Variants in ATP6V0E1 observed in about 807,000 individuals in gnomAD.
ATP6V0E1 encodes V-type proton ATPase subunit e 1.
Under a neutral mutation model 11.6 loss-of-function variants are expected in ATP6V0E1, and 4 were observed. The ratio of observed to expected loss-of-function variants is 0.35; its 90% confidence interval spans 0.17 to 0.79. The LOEUF is 0.79. Among genes scored for constraint, ATP6V0E1 ranks in the 30% least tolerant of loss-of-function variants. The pLI is 0.54. For synonymous variants in ATP6V0E1, 36 were observed against 34.8 expected, an observed-to-expected ratio of 1.04 and a Z score of -0.13; for missense variants, 105 against 100.0, an observed-to-expected ratio of 1.05 and a Z score of -0.21.
chr5:173,033,608 G>C (rs889032035), intron 3 of ATP6V0E1, among the ~76,000 whole-genome samples: 2 of 152,062 alleles, frequency 1.3e-5, no homozygotes, highest in Non-Finnish European at 2.9e-5. Context: ...TTTGGGAGGC[G>C]AGGATGGGCA....
intron 2 of ATP6V0E1, among the ~76,000 whole-genome samples, chr5:173,006,866 G>GGGGAA (rs1166989061): frequency 1.3e-5 from 2 of 152,122 alleles, no homozygotes; most frequent in Non-Finnish European, 2.9e-5. Flanking sequence ...TTTGTTTGTA[G>GGGGAA]GGGAAGGGAA....
chr5:173,033,514 C>T (rs1478609389), intron 3 of ATP6V0E1, among the ~76,000 whole-genome samples: 1 of 152,138 alleles, frequency 6.6e-6, no homozygotes, highest in Non-Finnish European at 1.5e-5. Flanking sequence ...GTAATTACCA[C>T]TCCTTGGCCT....
chr5:173,029,227 G>C (rs892666208), intron 3 of ATP6V0E1, among the ~76,000 whole-genome samples: 21 of 152,218 alleles, frequency 1.4e-4, no homozygotes, highest in Middle Eastern at 3.4e-3. Flanking sequence ...AGCCATACTT[G>C]GGAGAAGTTC....
At chr5:173,024,312 G>A (rs1561776483) in intron 3 of ATP6V0E1, among the ~76,000 whole-genome samples, 1 of 151,584 alleles carries the variant, frequency 6.6e-6, no homozygotes, top group Non-Finnish European at 1.5e-5. Flanking sequence ...CAAGTTCCAG[G>A]GTATTCAATG....
At chr5:173,009,198 C>T (rs1177266780) in intron 2 of ATP6V0E1, among the ~76,000 whole-genome samples, 1 of 151,978 alleles carries the variant, frequency 6.6e-6, no homozygotes, top group African/African-American at 2.4e-5. Context: ...TGCGCTCCAG[C>T]CTGGGCAACA....
At chr5:173,003,709 C>T (rs1756190659) in intron 2 of ATP6V0E1, among the ~76,000 whole-genome samples, 1 of 152,178 alleles carries the variant, frequency 6.6e-6, no homozygotes. Flanking sequence ...AGAGATGGCT[C>T]CCAGTTCTAG....
chr5:173,034,403 C>A lies in ATP6V0E1; in HGVS notation c.*41C>A, dbSNP rs754089263. ...CAGAATGGTTTTGTTTTGCAGGTCA[C>A]GAGAAGAGAATGCCTTCTAGATGCA... On this transcript the variant is annotated 3_prime_UTR_variant, in exon 4 of 4. Coordinates refer to ENST00000519374, the MANE Select transcript of ATP6V0E1 (RefSeq NM_003945.4). The A allele has an allele frequency of 1.4e-6, 1 of 702,942 alleles. No homozygotes were observed. The highest frequency in any genetic ancestry group is 2.6e-6 in the Non-Finnish European group (1 of 384,974). 43.5% of individuals were successfully genotyped at this position (702,942 alleles called of 1,614,324 possible).
intron 3 of ATP6V0E1, among the ~76,000 whole-genome samples, chr5:173,032,261 ATT>A (rs1181297680): frequency 2.6e-5 from 3 of 114,660 alleles, no homozygotes; most frequent in African/African-American, 1.1e-4. Context: ...TTATTTATTT[ATT>A]TATTTATTTA....
chr5:173,020,922 A>G, intron 3 of ATP6V0E1: 1 of 519,854 alleles, frequency 1.9e-6, no homozygotes, highest in Admixed American at 1.9e-5. Flanking sequence ...GTCTGGGAGC[A>G]GACAGAGAAA....
At chr5:173,001,363 C>T (rs777872146) in intron 2 of ATP6V0E1, among the ~76,000 whole-genome samples, 4 of 152,190 alleles carry the variant, frequency 2.6e-5, no homozygotes, top group African/African-American at 9.7e-5. Flanking sequence ...CAAATACCTA[C>T]TCAGTTATGA....
intron 2 of ATP6V0E1, among the ~76,000 whole-genome samples, chr5:173,015,207 A>G (rs2113602596): frequency 6.6e-6 from 1 of 152,320 alleles, no homozygotes; most frequent in East Asian, 1.9e-4. Flanking sequence ...CCTAATTAGC[A>G]TTGTGACCAT....
At chr5:173,031,953 T>TG (rs1463694330) in intron 3 of ATP6V0E1, among the ~76,000 whole-genome samples, 1 of 151,748 alleles carries the variant, frequency 6.6e-6, no homozygotes, top group Admixed American at 6.6e-5. Flanking sequence ...GAGACCAGCC[T>TG]GGGTAACATG....
At chr5:173,012,360 G>A (rs1209198322) in intron 2 of ATP6V0E1, among the ~76,000 whole-genome samples, 1 of 151,030 alleles carries the variant, frequency 6.6e-6, no homozygotes, top group African/African-American at 2.4e-5. Flanking sequence ...GTGTGTACAT[G>A]CATATGTGTA....
rs6861538 is a variant in ATP6V0E1, at chr5:173,015,370, A to C, written c.153-4868A>C. 8.7e-3 allele frequency among the ~76,000 whole-genome samples: 1,318 copies of C among 152,326 alleles called. 18 individuals carry two copies. The highest frequency in any genetic ancestry group is 0.03 in the African/African-American group (1,257 of 41,576). On this transcript the variant is annotated intron_variant, in intron 2 of 3. Coordinates refer to ENST00000519374, the MANE Select transcript of ATP6V0E1 (RefSeq NM_003945.4). ...TAAAATCCTTAGAATCTCCAAAGTG[A>C]CATGTGTCTTTGTATGCTAATGAGT...
intron 1 of ATP6V0E1, among the ~76,000 whole-genome samples, chr5:172,993,920 G>T (rs1756026011): frequency 1.3e-5 from 2 of 152,082 alleles, no homozygotes; most frequent in African/African-American, 4.8e-5. Context: ...AAATGCTCTT[G>T]CTCTTCTTAG....
At chr5:172,988,029 A>G (rs779781025) in intron 1 of ATP6V0E1, among the ~76,000 whole-genome samples, 3 of 152,046 alleles carry the variant, frequency 2.0e-5, no homozygotes, top group Non-Finnish European at 2.9e-5. Flanking sequence ...TTCTTTCTTT[A>G]TATCCTATCC....
intron 2 of ATP6V0E1, among the ~76,000 whole-genome samples, chr5:172,996,561 CAAA>C (rs55994987): frequency 1.7e-5 from 2 of 119,464 alleles, no homozygotes; most frequent in Non-Finnish European, 1.8e-5. Context: ...GACTCCGCCT[CAAA>C]AAAAAAAAAA....
intron 1 of ATP6V0E1, 121 bp from the exon 2 acceptor site, chr5:172,994,654 C>G: frequency 1.3e-6 from 1 of 780,282 alleles, no homozygotes. Flanking sequence ...AATACAGATC[C>G]AATTTCTTGG....
At chr5:173,014,797 T>G (rs1474880544) in intron 2 of ATP6V0E1, among the ~76,000 whole-genome samples, 2 of 152,134 alleles carry the variant, frequency 1.3e-5, no homozygotes, top group African/African-American at 4.8e-5. Context: ...GCACAAACAT[T>G]AAACAGAGGA....
Sources: allele counts gnomAD v4.1 joint callset (sites outside exome capture counted in the v4.1 genomes callset), GRCh38; gene constraint gnomAD v4.1.1; transcripts MANE v1.5; gene names NCBI Gene and HGNC (gene_info 2026-07-23, HGNC 2026-07-21).